CCBE1: variants seen among roughly 807,000 people sequenced by gnomAD.
The protein encoded by CCBE1 is collagen and calcium binding EGF domains 1, also known as collagen and calcium-binding EGF domain-containing protein 1.
In CCBE1, 37 loss-of-function variants were observed where a neutral mutation model predicts 50.0. That is an observed-to-expected ratio of 0.74 (90% CI 0.57 to 0.97). The LOEUF (loss-of-function observed/expected upper bound fraction) is 0.97. Ranked by LOEUF, CCBE1 falls within the 50% of genes least tolerant of loss-of-function variation. The pLI, the probability that CCBE1 is intolerant of heterozygous loss-of-function variation, is 0.00. For missense variants in CCBE1, 538 were observed against 523.8 expected (o/e 1.03, Z -0.26); for synonymous variants, 234 against 203.7 (o/e 1.15, Z -1.27).
intron 2 of CCBE1, among the ~76,000 whole-genome samples, chr18:59,615,998 T>C (rs2053632408): frequency 2.6e-5 from 4 of 152,154 alleles, no homozygotes; most frequent in Admixed American, 2.6e-4. Flanking sequence ...CATCACAGAA[T>C]CTCTAGTAGC....
At chr18:59,530,216 G>C (rs1169019605) in intron 2 of CCBE1, among the ~76,000 whole-genome samples, 1 of 152,078 alleles carries the variant, frequency 6.6e-6, no homozygotes, top group Non-Finnish European at 1.5e-5. Flanking sequence ...GGCCAAAGAA[G>C]ACAGCCCCAT....
chr18:59,488,451 G>A (rs552200714), intron 2 of CCBE1, among the ~76,000 whole-genome samples: 2 of 152,188 alleles, frequency 1.3e-5, no homozygotes, highest in Non-Finnish European at 2.9e-5. Flanking sequence ...TATCATCTGG[G>A]TTTTAACTGT....
intron 2 of CCBE1, among the ~76,000 whole-genome samples, chr18:59,521,637 G>A (rs1914604392): frequency 6.6e-6 from 1 of 152,162 alleles, no homozygotes; most frequent in African/African-American, 2.4e-5. Flanking sequence ...AGGCTCAGGT[G>A]AAAAACCAGA....
chr18:59,614,979 C>T (rs1160020178), intron 2 of CCBE1, among the ~76,000 whole-genome samples: 1 of 152,212 alleles, frequency 6.6e-6, no homozygotes, highest in Non-Finnish European at 1.5e-5. Flanking sequence ...GCCAGAAATT[C>T]TGAAGTCTTC....
At chr18:59,665,608 C>CA (rs2054343361) in intron 2 of CCBE1, among the ~76,000 whole-genome samples, 1 of 152,170 alleles carries the variant, frequency 6.6e-6, no homozygotes, top group Non-Finnish European at 1.5e-5. Context: ...GACTTCACTG[C>CA]ATGTGGACAA....
chr18:59,464,195 G>A (rs1279508086), intron 5 of CCBE1: 3 of 152,284 alleles, frequency 2.0e-5, no homozygotes, highest in African/African-American at 4.8e-5. Flanking sequence ...CACTGTGGGA[G>A]GCTCAGAGGC....
chr18:59,442,715 G>A (rs1292095638), intron 7 of CCBE1, among the ~76,000 whole-genome samples: 1 of 152,112 alleles, frequency 6.6e-6, no homozygotes, highest in Non-Finnish European at 1.5e-5. Context: ...GCAACAGAAT[G>A]AGACTCCATC....
chr18:59,526,362 T>C (rs1411918250), intron 2 of CCBE1, among the ~76,000 whole-genome samples: 1 of 149,762 alleles, frequency 6.7e-6, no homozygotes, highest in East Asian at 2.0e-4. Context: ...ACGGCTGGAG[T>C]GCAGTGGCAC....
At chr18:59,459,970 A>G (rs1431516008) in intron 5 of CCBE1, among the ~76,000 whole-genome samples, 1 of 152,220 alleles carries the variant, frequency 6.6e-6, no homozygotes, top group African/African-American at 2.4e-5. Flanking sequence ...AAGTGATGCC[A>G]GGGGTCACGG....
chr18:59,548,602 C>T (rs1323458842), intron 2 of CCBE1, among the ~76,000 whole-genome samples: 1 of 152,192 alleles, frequency 6.6e-6, no homozygotes, highest in African/African-American at 2.4e-5. Flanking sequence ...AATGAAATCA[C>T]CAACTGACCA....
At chr18:59,612,756 C>A (rs1157769993) in intron 2 of CCBE1, among the ~76,000 whole-genome samples, 1 of 151,120 alleles carries the variant, frequency 6.6e-6, no homozygotes, top group Non-Finnish European at 1.5e-5. Context: ...TTACAACTGG[C>A]CTTGGGTGAC....
rs557855322 is a variant in CCBE1, at chr18:59,552,910, G to A, written c.213-72672C>T. On this transcript the variant is annotated intron_variant, in intron 2 of 10. Transcript: ENST00000439986. ...ACTTCCTCTGATCTATAATGTAGCT[G>A]TCCCACCTGTCCAGCCATACAAAGA... Among the ~76,000 whole-genome samples, 77 of 152,128 alleles carry A rather than the reference G, an allele frequency of 5.1e-4. 1 individual carries two copies. Among genetic ancestry groups the A allele is most frequent in the Non-Finnish European group, 9.4e-4 (64 of 68,030 alleles).
intron 2 of CCBE1, among the ~76,000 whole-genome samples, chr18:59,624,839 T>C (rs2053759069): frequency 6.6e-6 from 1 of 152,234 alleles, no homozygotes; most frequent in African/African-American, 2.4e-5. Context: ...CCTGGGCTGT[T>C]TCTTTGTGTT....
chr18:59,439,643 C>T (rs1568139034), intron 8 of CCBE1, 34 bp downstream of exon 8: 2 of 1,614,170 alleles, frequency 1.2e-6, no homozygotes, highest in Non-Finnish European at 1.7e-6. Flanking sequence ...CATTTTCCCC[C>T]AAAAAGGAAG....
chr18:59,580,112 C>A lies in CCBE1; in HGVS notation c.213-99874G>T, dbSNP rs140817505. 3.3e-5 allele frequency among the ~76,000 whole-genome samples: 5 copies of A among 152,224 alleles called. No homozygotes were observed. In the East Asian group the frequency reaches 7.7e-4, roughly 24 times the overall value. ...GTAGTATGAAAGGAAAATACTGGGG[C>A]CCCGAATTACTAAGCTAAAGGGAAA... On this transcript the variant is annotated intron_variant, in intron 2 of 10. Coordinates refer to ENST00000439986, the MANE Select transcript of CCBE1 (RefSeq NM_133459.4).
chr18:59,625,606 C>T (rs187021205), intron 2 of CCBE1, among the ~76,000 whole-genome samples: 2 of 152,164 alleles, frequency 1.3e-5, no homozygotes, highest in Admixed American at 1.3e-4. Flanking sequence ...AAAGGGGAAC[C>T]ACCTTCTCCC....
At chr18:59,560,593 G>A (rs185057721) in intron 2 of CCBE1, among the ~76,000 whole-genome samples, 5 of 152,180 alleles carry the variant, frequency 3.3e-5, no homozygotes, top group East Asian at 1.9e-4. Flanking sequence ...TTCTGCACAC[G>A]TATCCCATAA....
intron 2 of CCBE1, among the ~76,000 whole-genome samples, chr18:59,612,015 A>G (rs1487588979): frequency 6.6e-6 from 1 of 152,168 alleles, no homozygotes; most frequent in Non-Finnish European, 1.5e-5. Context: ...CTATACCCCT[A>G]AGCCAGTGAA....
intron 2 of CCBE1, among the ~76,000 whole-genome samples, chr18:59,685,375 G>A (rs937934082): frequency 2.6e-5 from 4 of 152,116 alleles, no homozygotes; most frequent in African/African-American, 4.8e-5. Context: ...ACAAATGAAG[G>A]ATTGGAGACA....
Sources: gnomAD v4.1 joint callset for allele counts (sites outside exome capture counted in the v4.1 genomes callset) on GRCh38, gnomAD v4.1.1 for gene constraint, MANE v1.5 for transcripts, NCBI Gene and HGNC (gene_info 2026-07-23, HGNC 2026-07-21) for gene names.